RNF111: variants seen among roughly 807,000 people sequenced by gnomAD.
RNF111 encodes ring finger protein 111, also known as E3 ubiquitin-protein ligase Arkadia.
In RNF111, 17 loss-of-function variants were observed where a neutral mutation model predicts 95.1. The observed-to-expected ratio is 0.18, with a 90% CI of 0.12 to 0.27. The LOEUF (loss-of-function observed/expected upper bound fraction) is 0.27, where lower values mean the gene tolerates loss of function less well. RNF111 is among the 10% of genes least tolerant of loss of function. RNF111 has a pLI of 1.00. For missense variants in RNF111, 1,189 were observed against 1,210.4 expected (o/e 0.98, Z 0.26); for synonymous variants, 440 against 414.8 (o/e 1.06, Z -0.74).
At chr15:59,027,589 C>T (rs572244507) in intron 1 of RNF111, among the ~76,000 whole-genome samples, 62 of 151,124 alleles carry the variant, frequency 4.1e-4, no homozygotes, top group Non-Finnish European at 8.3e-4. Flanking sequence ...AGTGCAATGG[C>T]GCAATCTCGG....
At chr15:59,022,046 G>T (rs2040370162) in intron 1 of RNF111, among the ~76,000 whole-genome samples, 1 of 151,996 alleles carries the variant, frequency 6.6e-6, no homozygotes, top group African/African-American at 2.4e-5. Context: ...TTTTAGTTGA[G>T]ACGGGGTATC....
intron 2 of RNF111, among the ~76,000 whole-genome samples, chr15:59,042,125 A>AT (rs376873248): frequency 6.6e-6 from 1 of 150,978 alleles, no homozygotes; most frequent in East Asian, 2.0e-4. Flanking sequence ...TTTATGCCAA[A>AT]TTTTTTTTTC....
chr15:59,001,707 T>A (rs2039331864), intron 1 of RNF111, among the ~76,000 whole-genome samples: 1 of 152,196 alleles, frequency 6.6e-6, no homozygotes, highest in Admixed American at 6.5e-5. Flanking sequence ...TCATGTGATA[T>A]AAGATTTGTT....
rs1485361637 is a variant in RNF111, at chr15:59,092,773, C to T, written c.2843+133C>T. 6 of 846,818 alleles carry T rather than the reference C, an allele frequency of 7.1e-6. No individual in the cohort carries two copies. The South Asian group carries it at 1.2e-4, about 18-fold the overall frequency. The allele number at this position is 846,818 out of a possible 1,614,324, so 52.5% of individuals were successfully genotyped here. On this transcript the variant is annotated intron_variant, in intron 13 of 13. Transcript: ENST00000348370. The stretch of plus-strand genomic sequence containing the variant: ...CTTTTTGAGGCCAAGGCCAGAGGCT[C>T]TCTTGAGGCCAGGAGTTTGAGGCCA...
At chr15:59,039,483 A>G (rs568988149) in intron 2 of RNF111, among the ~76,000 whole-genome samples, 1 of 152,310 alleles carries the variant, frequency 6.6e-6, no homozygotes, top group African/African-American at 2.4e-5. Context: ...GAGTATCATT[A>G]TGAATGCATG....
intron 4 of RNF111, among the ~76,000 whole-genome samples, chr15:59,056,446 A>G (rs2042203807): frequency 6.6e-6 from 1 of 152,214 alleles, no homozygotes; most frequent in Non-Finnish European, 1.5e-5. Context: ...CATATTGGGA[A>G]TCATCTTGAG....
intron 6 of RNF111, among the ~76,000 whole-genome samples, chr15:59,067,581 T>A (rs1033391319): frequency 1.3e-5 from 2 of 152,216 alleles, no homozygotes; most frequent in Non-Finnish European, 2.9e-5. Context: ...GTCTCTGGGA[T>A]TTTTAGATGG....
At chr15:59,046,936 C>T (rs139640186) in intron 2 of RNF111, among the ~76,000 whole-genome samples, 86 of 152,092 alleles carry the variant, frequency 5.7e-4, no homozygotes, top group Middle Eastern at 3.4e-3. Context: ...GGCACAGTCT[C>T]GGCTCACTGC....
chr15:59,037,042 G>C (rs1021435006), intron 2 of RNF111, among the ~76,000 whole-genome samples: 1 of 146,580 alleles, frequency 6.8e-6, no homozygotes, highest in Non-Finnish European at 1.5e-5. Flanking sequence ...TTGTCATGTT[G>C]CCTAGGCTGG....
intron 1 of RNF111, among the ~76,000 whole-genome samples, chr15:59,012,730 C>T (rs1477121189): frequency 6.7e-6 from 1 of 148,774 alleles, no homozygotes; most frequent in Non-Finnish European, 1.5e-5. Context: ...ATGGTGGTTC[C>T]AACTCTTTTT....
intron 1 of RNF111, among the ~76,000 whole-genome samples, chr15:59,003,688 C>T (rs1009692748): frequency 1.3e-5 from 2 of 152,242 alleles, no homozygotes; most frequent in Admixed American, 6.5e-5. Context: ...AGGTGTGAGC[C>T]ACTGCACGTG....
intron 1 of RNF111, among the ~76,000 whole-genome samples, chr15:59,006,557 C>T (rs74360936): frequency 0.063 from 9,529 of 152,226 alleles, 395 homozygotes; most frequent in Non-Finnish European, 0.097. Context: ...GTACAGTGAA[C>T]GCCCATCTCC....
chr15:59,047,370 C>G (rs572423274), intron 2 of RNF111, among the ~76,000 whole-genome samples: 9 of 152,044 alleles, frequency 5.9e-5, no homozygotes, highest in African/African-American at 2.2e-4. Flanking sequence ...TGGCAGGTAC[C>G]TGTAGTCGCA....
intron 10 of RNF111, among the ~76,000 whole-genome samples, chr15:59,089,164 TGGGTCA>T (rs2078980355): frequency 6.6e-6 from 1 of 152,140 alleles, no homozygotes; most frequent in Non-Finnish European, 1.5e-5. Context: ...TTTTAGCCTG[TGGGTCA>T]GTTCACACAT....
At chr15:59,020,256 CAAT>C (rs1291791445) in intron 1 of RNF111, among the ~76,000 whole-genome samples, 1 of 149,748 alleles carries the variant, frequency 6.7e-6, no homozygotes, top group Non-Finnish European at 1.5e-5. Context: ...ATAAATATAA[CAAT>C]ATATGCATTA....
chr15:59,068,935 T>A (rs2042786511), intron 6 of RNF111, among the ~76,000 whole-genome samples: 1 of 151,410 alleles, frequency 6.6e-6, no homozygotes, highest in Non-Finnish European at 1.5e-5. Flanking sequence ...ATTAGTTGGG[T>A]CTGTGGCGCG....
chr15:59,012,128 C>T (rs955466761), intron 1 of RNF111, among the ~76,000 whole-genome samples: 3 of 143,686 alleles, frequency 2.1e-5, no homozygotes, highest in African/African-American at 7.6e-5. Context: ...AGGTGATTCT[C>T]ATGCCTCAGC....
chr15:59,005,721 A>C (rs2039512501), intron 1 of RNF111, among the ~76,000 whole-genome samples: 1 of 152,110 alleles, frequency 6.6e-6, no homozygotes, highest in African/African-American at 2.4e-5. Flanking sequence ...GGTAGGGGGA[A>C]GAATTCAGAG....
chr15:59,093,187 G>T (rs752703105), intron 13 of RNF111, among the ~76,000 whole-genome samples: 55 of 152,128 alleles, frequency 3.6e-4, no homozygotes, highest in Non-Finnish European at 6.0e-4. Context: ...ACAAGGTTTG[G>T]CCAGGGAAAT....
Sources: allele counts gnomAD v4.1 joint callset (sites outside exome capture counted in the v4.1 genomes callset), GRCh38; gene constraint gnomAD v4.1.1; transcripts MANE v1.5; gene names NCBI Gene and HGNC (gene_info 2026-07-23, HGNC 2026-07-21).